The following WWOX variants were observed in gnomAD, a reference collection of about 807,000 sequenced individuals.
WWOX encodes WW domain containing oxidoreductase.
In WWOX, 69 loss-of-function variants were observed where a neutral mutation model predicts 46.2. The ratio of observed to expected loss-of-function variants is 1.49; its 90% confidence interval spans 1.23 to 1.82. The LOEUF is 1.82. WWOX is among the 40% of genes most tolerant of loss of function. The pLI, the probability that WWOX is intolerant of heterozygous loss-of-function variation, is 0.00. For synonymous variants in WWOX, 359 were observed against 202.6 expected, an observed-to-expected ratio of 1.77 and a Z score of -6.56; for missense variants, 919 against 542.6, an observed-to-expected ratio of 1.69 and a Z score of -6.89.
intron 8 of WWOX, among the ~76,000 whole-genome samples, chr16:78,716,514 G>C (rs533023113): frequency 6.6e-6 from 1 of 152,200 alleles, no homozygotes; most frequent in Admixed American, 6.5e-5. Context: ...CTTATTTTAG[G>C]GGATGCCCTC....
intron 8 of WWOX, among the ~76,000 whole-genome samples, chr16:78,978,993 T>C (rs1205665277): frequency 6.6e-6 from 1 of 152,096 alleles, no homozygotes; most frequent in Non-Finnish European, 1.5e-5. Flanking sequence ...GTGCAATCAT[T>C]TTAGGCTATG....
chr16:78,580,275 T>C (rs2045015688), intron 8 of WWOX, among the ~76,000 whole-genome samples: 1 of 152,116 alleles, frequency 6.6e-6, no homozygotes, highest in Non-Finnish European at 1.5e-5. Flanking sequence ...GGTCTCACTA[T>C]GTTGCCCAGG....
chr16:79,168,221 C>G (rs376790754), intron 8 of WWOX, among the ~76,000 whole-genome samples: 1 of 152,086 alleles, frequency 6.6e-6, no homozygotes, highest in South Asian at 2.1e-4. Context: ...TGGACATGTT[C>G]TCACTTTTCT....
intron 8 of WWOX, among the ~76,000 whole-genome samples, chr16:78,814,493 C>T (rs1371445964): frequency 6.6e-6 from 1 of 151,868 alleles, no homozygotes; most frequent in Non-Finnish European, 1.5e-5. Flanking sequence ...TTAAGTGAAC[C>T]TCTACTTTAG....
At chr16:78,918,444 C>G (rs190444983) in intron 8 of WWOX, among the ~76,000 whole-genome samples, 119 of 152,012 alleles carry the variant, frequency 7.8e-4, no homozygotes, top group African/African-American at 2.7e-3. Flanking sequence ...TCTGGCAGGG[C>G]TGGACTGTCA....
At chr16:78,964,256 G>A (rs1040888674) in intron 8 of WWOX, among the ~76,000 whole-genome samples, 2 of 152,198 alleles carry the variant, frequency 1.3e-5, no homozygotes, top group Non-Finnish European at 2.9e-5. Flanking sequence ...ATGTGGGAAA[G>A]TTTGGAGCTT....
rs2080478695 is a variant in WWOX at position 78,321,410 on chromosome 16, A to ATGCG, written c.517-65449_517-65448insGCGT. Among the ~76,000 whole-genome samples the ATGCG allele has an allele frequency of 2.2e-5, 3 of 139,172 alleles. 1 individual carries two copies. Among genetic ancestry groups the ATGCG allele is most frequent in the African/African-American group, 5.5e-5 (2 of 36,468 alleles). The allele number at this position is 139,172 out of a possible 152,430, so 91.3% of individuals were successfully genotyped here. A position where few individuals can be genotyped will look rare whatever the true frequency, so the allele number is the denominator to read the frequency against. Reference sequence around the variant, plus strand: ...TATATATACGTATATATACGTATATATATATGTGTGTATATATATATATAA... The same window carrying ATGCG: ...TATATATACGTATATATACGTATATATGCGTATATGTGTGTATATATATATATAA... On this transcript the variant is annotated intron_variant, in intron 5 of 8. Coordinates refer to ENST00000566780, the MANE Select transcript of WWOX (RefSeq NM_016373.4).
At chr16:78,851,945 G>C (rs1013613644) in intron 8 of WWOX, among the ~76,000 whole-genome samples, 2 of 152,094 alleles carry the variant, frequency 1.3e-5, no homozygotes, top group African/African-American at 4.8e-5. Context: ...AAGCCTCTTG[G>C]TTTCTGTACC....
intron 5 of WWOX, among the ~76,000 whole-genome samples, chr16:78,170,520 G>A (rs890570506): frequency 6.6e-6 from 1 of 152,214 alleles, no homozygotes; most frequent in Admixed American, 6.5e-5. Flanking sequence ...GGCTGAAAGA[G>A]GAGCTCTAGG....
At chr16:78,523,026 C>T (rs766236803) in intron 8 of WWOX, among the ~76,000 whole-genome samples, 1 of 152,114 alleles carries the variant, frequency 6.6e-6, no homozygotes, top group Non-Finnish European at 1.5e-5. Flanking sequence ...GAGCTGAGAT[C>T]GTGCCACTGC....
intron 8 of WWOX, among the ~76,000 whole-genome samples, chr16:78,610,939 A>G (rs2045886235): frequency 6.6e-6 from 1 of 152,174 alleles, no homozygotes; most frequent in Admixed American, 6.5e-5. Context: ...GAACGAACGG[A>G]ATTTCAGAGA....
In WWOX at chr16:78,359,754, T is replaced by A. The variant is rs139607030; in HGVS notation, c.517-27106T>A. 6.0e-3 allele frequency among the ~76,000 whole-genome samples: 910 copies of A among 152,134 alleles called. 11 individuals are homozygous for A. Among genetic ancestry groups the A allele is most frequent in the African/African-American group, 0.021 (874 of 41,568 alleles). ...TGATGTGCATGAGAAGCCCTGATGT[T>A]GAGAAGCTCATAATTCGGTGTGAGA... On this transcript the variant is annotated intron_variant, in intron 5 of 8. Transcript: ENST00000566780.
At chr16:78,333,042 A>ATTTTTTTTTTTTTTTTTTTT (rs1441535183) in intron 5 of WWOX, among the ~76,000 whole-genome samples, 1 of 62,178 alleles carries the variant, frequency 1.6e-5, no homozygotes, top group Admixed American at 1.9e-4. Flanking sequence ...AGAGCATTAT[A>ATTTTTTTTTTTTTTTTTTTT]CTTTTTTTTT....
At chr16:78,637,624 A>G (rs1211316456) in intron 8 of WWOX, among the ~76,000 whole-genome samples, 1 of 152,156 alleles carries the variant, frequency 6.6e-6, no homozygotes, top group Non-Finnish European at 1.5e-5. Flanking sequence ...GATCAAAGAA[A>G]GATAAAAGAA....
At chr16:78,104,360 T>TACACACACAC (rs35617570) in intron 1 of WWOX, among the ~76,000 whole-genome samples, 4 of 147,662 alleles carry the variant, frequency 2.7e-5, no homozygotes, top group Non-Finnish European at 4.5e-5. Context: ...TGCACGCACA[T>TACACACACAC]ACACACACAC....
At chr16:79,127,726 A>G (rs1036374176) in intron 8 of WWOX, among the ~76,000 whole-genome samples, 1 of 152,130 alleles carries the variant, frequency 6.6e-6, no homozygotes, top group Non-Finnish European at 1.5e-5. Context: ...TTACATTCCC[A>G]CTAAGCAACA....
At chr16:79,093,154 A>T (rs2150607860) in intron 8 of WWOX, among the ~76,000 whole-genome samples, 1 of 152,312 alleles carries the variant, frequency 6.6e-6, no homozygotes, top group African/African-American at 2.4e-5. Flanking sequence ...GACACTTCTA[A>T]AGGAAAAAAA....
chr16:78,939,968 C>T (rs1000192671), intron 8 of WWOX, among the ~76,000 whole-genome samples: 1 of 152,140 alleles, frequency 6.6e-6, no homozygotes, highest in Non-Finnish European at 1.5e-5. Context: ...CATGGTTAGA[C>T]CATAAACTAC....
chr16:78,999,708 T>C lies in WWOX; in HGVS notation c.1057-211900T>C, dbSNP rs78482420. On this transcript the variant is annotated intron_variant, in intron 8 of 8. Transcript: ENST00000566780. ...GGAGGCCTACTTAAGTCTAAGAGAG[T>C]TCTTGTGAAAGTGGGAGGGGGATGA... Among the ~76,000 whole-genome samples the C allele has an allele frequency of 2.0e-4, 31 of 152,178 alleles. No individual in the cohort carries two copies. In the East Asian group the frequency reaches 3.9e-3, roughly 19 times the overall value.
Sources: gnomAD v4.1 joint callset for allele counts (sites outside exome capture counted in the v4.1 genomes callset) on GRCh38, gnomAD v4.1.1 for gene constraint, MANE v1.5 for transcripts, NCBI Gene and HGNC (gene_info 2026-07-23, HGNC 2026-07-21) for gene names.